CFI: variants seen among roughly 807,000 people sequenced by gnomAD.
The protein encoded by CFI is complement factor I.
In CFI, 66 loss-of-function variants were observed where a neutral mutation model predicts 78.8. The observed-to-expected ratio is 0.84, with a 90% CI of 0.69 to 1.03. The LOEUF (loss-of-function observed/expected upper bound fraction) is 1.03. Among genes scored for constraint, CFI ranks in the 50% least tolerant of loss-of-function variants. The pLI, the probability that CFI is intolerant of heterozygous loss-of-function variation, is 0.00. For synonymous variants in CFI, 250 were observed against 232.6 expected, an observed-to-expected ratio of 1.07 and a Z score of -0.68; for missense variants, 706 against 704.5, an observed-to-expected ratio of 1.00 and a Z score of -0.02.
chr4:109,745,211 C>T (rs1046395852), intron 11 of CFI, among the ~76,000 whole-genome samples: 1 of 152,128 alleles, frequency 6.6e-6, no homozygotes, highest in Admixed American at 6.5e-5. Flanking sequence ...GAGACAGAGT[C>T]TCGCTCTGTC....
chr4:109,767,549 C>T (rs909421657), intron 1 of CFI, among the ~76,000 whole-genome samples: 156 of 151,554 alleles, frequency 1.0e-3, no homozygotes, highest in African/African-American at 3.7e-3. Flanking sequence ...CATCACTGGC[C>T]ATCAGAGAAA....
At chr4:109,771,714 CAAAAAA>C (rs149565381) in intron 1 of CFI, among the ~76,000 whole-genome samples, 2 of 18,124 alleles carry the variant, frequency 1.1e-4, no homozygotes, top group Non-Finnish European at 2.4e-4. Flanking sequence ...ACTCCATCAC[CAAAAAA>C]AAAAAAAAAA....
intron 1 of CFI, among the ~76,000 whole-genome samples, chr4:109,783,974 A>T (rs1730404905): frequency 1.3e-5 from 2 of 151,558 alleles, no homozygotes; most frequent in African/African-American, 4.8e-5. Flanking sequence ...GATATGTGGA[A>T]GCTAAGTTAT....
chr4:109,785,825 T>C (rs1428048567), intron 1 of CFI, among the ~76,000 whole-genome samples: 2 of 152,040 alleles, frequency 1.3e-5, no homozygotes, highest in Non-Finnish European at 2.9e-5. Flanking sequence ...TAAGGGGCTC[T>C]TCCTCCTTCA....
chr4:109,791,102 C>T (rs1731321253), intron 1 of CFI, among the ~76,000 whole-genome samples: 1 of 152,264 alleles, frequency 6.6e-6, no homozygotes, highest in African/African-American at 2.4e-5. Flanking sequence ...ACAACCTCGA[C>T]AGCATGTTAT....
intron 1 of CFI, among the ~76,000 whole-genome samples, chr4:109,779,318 C>G (rs1729686499): frequency 6.6e-6 from 1 of 151,988 alleles, no homozygotes; most frequent in African/African-American, 2.4e-5. Context: ...CAAAAATCAC[C>G]AGCATTCCTA....
chr4:109,794,159 T>C (rs1001795695), intron 1 of CFI: 13 of 152,214 alleles, frequency 8.5e-5, no homozygotes, highest in African/African-American at 3.1e-4. Context: ...GCTTTTTGAA[T>C]GTGGACAGCC....
chr4:109,761,972 C>T (rs1192774923), intron 3 of CFI: 2 of 406,816 alleles, frequency 4.9e-6, no homozygotes, highest in Non-Finnish European at 9.2e-6. Context: ...GGTGGATTAC[C>T]TGAGGTCAAG....
At chr4:109,766,445 T>G in intron 2 of CFI, 109 bp downstream of exon 2, 2 of 1,338,736 alleles carry the variant, frequency 1.5e-6, no homozygotes, top group Non-Finnish European at 2.1e-6. Context: ...AGAAAAAAAT[T>G]TTGAGTTGTC....
At chr4:109,736,525 A>G (rs1257336235), downstream of CFI, among the ~76,000 whole-genome samples, 1 of 152,200 alleles carries the variant, frequency 6.6e-6, no homozygotes, top group Non-Finnish European at 1.5e-5. Context: ...AGATGGCTGC[A>G]CCAGATCTAT....
intron 1 of CFI, among the ~76,000 whole-genome samples, chr4:109,770,405 C>T (rs1202828941): frequency 6.6e-6 from 1 of 151,644 alleles, no homozygotes; most frequent in Non-Finnish European, 1.5e-5. Flanking sequence ...ACTAAAAATA[C>T]AAAAATTAGC....
intron 7 of CFI, among the ~76,000 whole-genome samples, chr4:109,753,013 T>A (rs1403554002): frequency 9.5e-6 from 1 of 105,044 alleles, no homozygotes; most frequent in African/African-American, 3.7e-5. Flanking sequence ...TATTATATAT[T>A]TATTATATAA....
At chr4:109,777,896 G>A (rs1045310487) in intron 1 of CFI, among the ~76,000 whole-genome samples, 4 of 151,696 alleles carry the variant, frequency 2.6e-5, no homozygotes, top group African/African-American at 9.7e-5. Context: ...GGTACATAAC[G>A]AAATGAAGGC....
At chr4:109,753,920 C>A (rs570040088) in intron 7 of CFI, among the ~76,000 whole-genome samples, 35 of 129,310 alleles carry the variant, frequency 2.7e-4, no homozygotes, top group African/African-American at 9.4e-4. Context: ...TATATATTAT[C>A]TAATGTATAA....
Position 109,752,371 on chromosome 4 carries a change from C to T in CFI, c.940+97G>A, listed in dbSNP as rs919042197. ...TTTTTAATTTAAATTGATACCAAAACTACTTGTTGCTTGAATCAATTATAT... is the reference window on the plus strand; with the variant it reads ...TTTTTAATTTAAATTGATACCAAAATTACTTGTTGCTTGAATCAATTATAT... On this transcript the variant is annotated intron_variant, in intron 8 of 12. Coordinates refer to ENST00000394634, the MANE Select transcript of CFI (RefSeq NM_000204.5). The T allele has an allele frequency of 7.3e-5, 77 of 1,053,252 alleles. No homozygotes were observed. In the Middle Eastern group the frequency reaches 1.2e-3, roughly 17 times the overall value. The allele number at this position is 1,053,252 out of a possible 1,614,324, so 65.2% of individuals were successfully genotyped here.
At chr4:109,794,509 TG>T (rs1238013947) in intron 1 of CFI, 2 of 152,198 alleles carry the variant, frequency 1.3e-5, no homozygotes, top group Non-Finnish European at 1.5e-5. Context: ...TTCTATTTGT[TG>T]GCCAGTCACG....
At chr4:109,738,638 G>T (rs1388858734), downstream of CFI, among the ~76,000 whole-genome samples, 3 of 152,146 alleles carry the variant, frequency 2.0e-5, no homozygotes, top group Non-Finnish European at 2.9e-5. Flanking sequence ...TGCAGGTTCT[G>T]CAGTTTCTCT....
chr4:109,750,976 G>T (rs1725062177), intron 8 of CFI, among the ~76,000 whole-genome samples: 1 of 152,168 alleles, frequency 6.6e-6, no homozygotes, highest in South Asian at 2.1e-4. Context: ...CATTAGCTCT[G>T]AAGCCTGTGT....
At chr4:109,768,337 A>G (rs913497436) in intron 1 of CFI, among the ~76,000 whole-genome samples, 5 of 149,434 alleles carry the variant, frequency 3.3e-5, no homozygotes, top group Non-Finnish European at 6.0e-5. Flanking sequence ...GAAATCCTAA[A>G]AAAAAAAAAA....
Sources: gnomAD v4.1 joint callset for allele counts (sites outside exome capture counted in the v4.1 genomes callset) on GRCh38, gnomAD v4.1.1 for gene constraint, MANE v1.5 for transcripts, NCBI Gene and HGNC (gene_info 2026-07-23, HGNC 2026-07-21) for gene names.